The following AGPAT5 variants were observed in gnomAD, a reference collection of about 807,000 sequenced individuals.
AGPAT5 encodes the protein 1-acylglycerol-3-phosphate O-acyltransferase 5, also known as 1-acyl-sn-glycerol-3-phosphate acyltransferase epsilon.
In AGPAT5, 46 loss-of-function variants were observed where a neutral mutation model predicts 45.6. That is an observed-to-expected ratio of 1.01 (90% confidence interval 0.80 to 1.29). The LOEUF is 1.29. Ranked by LOEUF, AGPAT5 falls within the 50% of genes most tolerant of loss-of-function variation. The pLI is 0.00. For synonymous variants in AGPAT5, 272 were observed against 167.0 expected, an observed-to-expected ratio of 1.63 and a Z score of -4.85; for missense variants, 673 against 450.7, an observed-to-expected ratio of 1.49 and a Z score of -4.47.
In AGPAT5 at chr8:6,761,042, G is replaced by A. The variant is rs1246757586; in HGVS notation, c.*3654G>A. ...AGTAAATCTATTCCTGTAGCAACTG[G>A]GGAGTCATATATGAGGTCAAAGACA... On this transcript the variant is annotated 3_prime_UTR_variant, in exon 8 of 8. Transcript: ENST00000285518. Among the ~76,000 whole-genome samples the A allele has an allele frequency of 6.6e-6, 1 of 152,036 alleles. No individual in the cohort carries two copies. The highest frequency in any genetic ancestry group is 1.5e-5 in the Non-Finnish European group (1 of 68,018).
chr8:6,747,164 G>T (rs1017429501), intron 5 of AGPAT5, among the ~76,000 whole-genome samples: 2 of 152,192 alleles, frequency 1.3e-5, no homozygotes, highest in African/African-American at 4.8e-5. Flanking sequence ...AATGTGATCT[G>T]TTCACACAGT....
chr8:6,759,104 G>T lies in AGPAT5; in HGVS notation c.*1716G>T, dbSNP rs543529372. On this transcript the variant is annotated 3_prime_UTR_variant, in exon 8 of 8. Coordinates refer to ENST00000285518, the MANE Select transcript of AGPAT5 (RefSeq NM_018361.5). ...ATAGTTGGCCTAATAATCGGGGCAT[G>T]GGTAAAACTTATGAAAATTTCCTCA... 4 of 152,152 alleles carry T rather than the reference G, an allele frequency of 2.6e-5. No homozygotes were observed. The highest frequency in any genetic ancestry group is 5.9e-5 in the Non-Finnish European group (4 of 68,034). 9.4% of individuals were successfully genotyped at this position (152,152 alleles called of 1,614,324 possible).
At chr8:6,753,670 T>C (rs1384359522) in intron 6 of AGPAT5, among the ~76,000 whole-genome samples, 3 of 152,210 alleles carry the variant, frequency 2.0e-5, no homozygotes, top group Admixed American at 6.5e-5. Flanking sequence ...CCATGTGTGC[T>C]CTTCCCTAGG....
intron 5 of AGPAT5, among the ~76,000 whole-genome samples, chr8:6,742,429 C>T (rs968743326): frequency 1.3e-5 from 2 of 152,140 alleles, no homozygotes; most frequent in African/African-American, 4.8e-5. Flanking sequence ...AGTGGCTATG[C>T]TATGTTCTTA....
At position 6,732,580 on chromosome 8, in the gene AGPAT5, A is replaced by T. The variant is rs1365196035; in HGVS notation, c.425A>T (p.Lys142Met). 6 of 1,609,012 alleles carry T rather than the reference A, an allele frequency of 3.7e-6. No individual in the cohort carries two copies. The African/African-American group carries it at 6.7e-5, about 18-fold the overall frequency. ...TGGCAGCATGGAGGAATCTATGTAA[A>T]GCGCAGTGCCAAATTTAACGAGAAA... ...YFAQHGGIYV[K>M]RSAKFNEKEM... The change falls in exon 4 of 8, where the codon AAG becomes ATG. Residue 142 changes from lysine to methionine, a missense_variant. Lys to Met is a moderately conservative substitution (Grantham distance 95, BLOSUM62 -1). Transcript: ENST00000285518.
intron 1 of AGPAT5, among the ~76,000 whole-genome samples, chr8:6,721,272 A>G: frequency 6.6e-6 from 1 of 152,248 alleles, no homozygotes; most frequent in East Asian, 1.9e-4. Context: ...AAGTTCAAGT[A>G]ATTATAAACA....
chr8:6,711,843 C>G (rs1383940181), intron 1 of AGPAT5, among the ~76,000 whole-genome samples: 5 of 152,222 alleles, frequency 3.3e-5, no homozygotes, highest in Non-Finnish European at 7.3e-5. Context: ...CCTCTTCTGT[C>G]TCACATCTCA....
Position 6,760,256 on chromosome 8 carries a change from G to T in AGPAT5, c.*2868G>T, listed in dbSNP as rs75324706. ...AAATTAAAAAAAATTAGCCAGGCAT[G>T]GTGGCGTACACTGAGTAGTTTGTCC... On this transcript the variant is annotated 3_prime_UTR_variant, in exon 8 of 8. Transcript: ENST00000285518. 2.0e-5 allele frequency among the ~76,000 whole-genome samples: 3 copies of T among 152,066 alleles called. No homozygotes were observed. Among genetic ancestry groups the T allele is most frequent in the Admixed American group, 6.6e-5 (1 of 15,260 alleles).
chr8:6,757,093 C>T, intron 7 of AGPAT5, 70 bp from the exon 8 acceptor site: 1 of 1,189,632 alleles, frequency 8.4e-7, no homozygotes. Context: ...GTAATAGCTA[C>T]CTGATTGATA....
intron 6 of AGPAT5, among the ~76,000 whole-genome samples, chr8:6,754,553 C>T (rs1183714601): frequency 1.3e-5 from 2 of 152,100 alleles, no homozygotes; most frequent in African/African-American, 4.8e-5. Context: ...AGCTGTGTGC[C>T]AGGTCAGGAG....
intron 1 of AGPAT5, among the ~76,000 whole-genome samples, chr8:6,710,517 C>T (rs1292722023): frequency 6.6e-6 from 1 of 152,134 alleles, no homozygotes; most frequent in Admixed American, 6.5e-5. Context: ...GAACTGATTG[C>T]CCACTGATCA....
chr8:6,741,616 A>AG, intron 4 of AGPAT5, 45 bp from the exon 5 acceptor site: 2 of 1,396,020 alleles, frequency 1.4e-6, no homozygotes, highest in Non-Finnish European at 2.0e-6. Context: ...AATAACAAAA[A>AG]CAAAGCTCAC....
At chr8:6,712,675 A>G (rs1200715190) in intron 1 of AGPAT5, among the ~76,000 whole-genome samples, 1 of 152,228 alleles carries the variant, frequency 6.6e-6, no homozygotes, top group Non-Finnish European at 1.5e-5. Context: ...AGTTACCTTA[A>G]ATTCTATCAT....
At chr8:6,744,118 T>C (rs1358611788) in intron 5 of AGPAT5, among the ~76,000 whole-genome samples, 1 of 152,140 alleles carries the variant, frequency 6.6e-6, no homozygotes, top group Non-Finnish European at 1.5e-5. Context: ...GATATTAATA[T>C]ACTTAATATT....
chr8:6,715,769 C>T (rs927053433), intron 1 of AGPAT5, among the ~76,000 whole-genome samples: 1 of 152,238 alleles, frequency 6.6e-6, no homozygotes, highest in East Asian at 1.9e-4. Flanking sequence ...ATTAACTTTG[C>T]CATACAGAGG....
intron 1 of AGPAT5, among the ~76,000 whole-genome samples, chr8:6,715,750 G>C (rs988786749): frequency 6.6e-6 from 1 of 152,184 alleles, no homozygotes; most frequent in African/African-American, 2.4e-5. Context: ...TGAAATTAGA[G>C]ACGTGTTTAT....
chr8:6,741,805 T>G, intron 5 of AGPAT5, 54 bp downstream of exon 5: 1 of 1,375,132 alleles, frequency 7.3e-7, no homozygotes, highest in Non-Finnish European at 1.0e-6. Context: ...AATAACATTT[T>G]TAGTTTTTCT....
In AGPAT5 at chr8:6,760,912, A is replaced by G. The variant is rs1260590545; in HGVS notation, c.*3524A>G. On this transcript the variant is annotated 3_prime_UTR_variant, in exon 8 of 8. Transcript: ENST00000285518. ...ACTGAATTTAAAACCTTCAACTATT[A>G]TGAAGTGCTCGTCTGTACAATCGCT... Among the ~76,000 whole-genome samples the G allele has an allele frequency of 1.3e-5, 2 of 152,192 alleles. No homozygotes were observed. Among genetic ancestry groups the G allele is most frequent in the African/African-American group, 4.8e-5 (2 of 41,442 alleles).
intron 3 of AGPAT5, among the ~76,000 whole-genome samples, chr8:6,731,028 C>T (rs1281617603): frequency 6.6e-6 from 1 of 151,836 alleles, no homozygotes; most frequent in African/African-American, 2.4e-5. Flanking sequence ...ACCATCATGC[C>T]CGGCTAAATT....
Sources: gnomAD v4.1 joint callset for allele counts (sites outside exome capture counted in the v4.1 genomes callset) on GRCh38, gnomAD v4.1.1 for gene constraint, MANE v1.5 for transcripts, NCBI Gene and HGNC (gene_info 2026-07-23, HGNC 2026-07-21) for gene names.